Variants in CHI3L2 observed in about 807,000 individuals in gnomAD.
CHI3L2 encodes chitinase 3 like 2.
In CHI3L2, 47 loss-of-function variants were observed where a neutral mutation model predicts 47.3. The ratio of observed to expected loss-of-function variants is 0.99; its 90% CI spans 0.79 to 1.27. The LOEUF (loss-of-function observed/expected upper bound fraction) is 1.27. Among genes scored for constraint, CHI3L2 ranks in the 50% most tolerant of loss-of-function variants. The pLI is 0.00. For missense variants in CHI3L2, 497 were observed against 462.1 expected (o/e 1.08, Z -0.69); for synonymous variants, 198 against 169.9 (o/e 1.17, Z -1.28).
intron 10 of CHI3L2, chr1:111,242,752 C>T (rs534479071): frequency 2.0e-4 from 34 of 167,838 alleles, no homozygotes; most frequent in Middle Eastern, 3.0e-3. Flanking sequence ...ATGATAATTT[C>T]CATCTCACTC....
intron 7 of CHI3L2, 99 bp from the exon 8 acceptor site, chr1:111,238,651 C>G: frequency 3.1e-6 from 4 of 1,276,076 alleles, no homozygotes; most frequent in Non-Finnish European, 4.5e-6. Flanking sequence ...AGAAAAGAAA[C>G]CAGGCAGTCA....
Position 111,230,907 on chromosome 1 carries a change from T to A in CHI3L2, c.236T>A (p.Val79Glu). The change falls in exon 3 of 11, where the codon GTG becomes GAG. Residue 79 changes from valine (V) to glutamate (E), a missense_variant. By Grantham distance (121) the Val-to-Glu change is moderately radical. Coordinates refer to ENST00000369748, the MANE Select transcript of CHI3L2 (RefSeq NM_004000.3). ...NKVIIKDKSE[V>E]MLYQTINSLK... ...GTTATCATCAAGGACAAGAGTGAAG[T>A]GATGCTCTACCAGACCATCAACAGT... 6.2e-7 allele frequency: 1 copy of A among 1,614,144 alleles called. No homozygotes were observed.
chr1:111,238,935 A>G lies in CHI3L2; in HGVS notation c.918+3A>G. ...CAGGCTTCCTGGCCTATTATGAGGTACCTGGAAACCCCCTGTACCCTCAGC... is the reference window on the plus strand; with the variant it reads ...CAGGCTTCCTGGCCTATTATGAGGTGCCTGGAAACCCCCTGTACCCTCAGC... On this transcript the variant is annotated splice_donor_region_variant and intron_variant, in intron 8 of 10. Transcript: ENST00000369748. The G allele has an allele frequency of 1.9e-6, 3 of 1,584,870 alleles. No individual in the cohort carries two copies. The highest frequency in any genetic ancestry group is 2.6e-6 in the Non-Finnish European group (3 of 1,168,436).
intron 7 of CHI3L2, 132 bp from the exon 8 acceptor site, chr1:111,238,618 C>T: frequency 1.2e-6 from 1 of 848,052 alleles, no homozygotes; most frequent in African/African-American, 1.7e-5. Flanking sequence ...TCCGGGGGGT[C>T]TGGTCTGTTC....
rs761797002 is a variant in CHI3L2 at position 111,229,890 on chromosome 1, T to C, written c.70+9T>C. On this transcript the variant is annotated intron_variant, in intron 2 of 10. Transcript: ENST00000369748. ...GCTGCTTCTCCAGGGAGGTAAGTAGTCAATAAGTCACTACCGCCTGGATCT... is the reference window on the plus strand; with the variant it reads ...GCTGCTTCTCCAGGGAGGTAAGTAGCCAATAAGTCACTACCGCCTGGATCT... The C allele has an allele frequency of 3.7e-6, 6 of 1,613,856 alleles. No homozygotes were observed. The highest frequency in any genetic ancestry group is 1.3e-5 in the African/African-American group (1 of 74,994).
At chr1:111,240,248 C>T (rs1204855671) in intron 8 of CHI3L2, among the ~76,000 whole-genome samples, 1 of 152,232 alleles carries the variant, frequency 6.6e-6, no homozygotes, top group Non-Finnish European at 1.5e-5. Context: ...CACCAAGGTA[C>T]CCATTCAGTG....
At chr1:111,229,968 C>A in intron 2 of CHI3L2, 87 bp downstream of exon 2, 1 of 1,439,618 alleles carries the variant, frequency 6.9e-7, no homozygotes, top group Non-Finnish European at 9.7e-7. Context: ...CTGCTACATG[C>A]TTTTTCTCTT....
In CHI3L2 at chr1:111,230,900, A is replaced by T; in HGVS notation, c.229A>T (p.Ser77Cys). 2 of 1,614,176 alleles carry T rather than the reference A, an allele frequency of 1.2e-6. No individual in the cohort carries two copies. Among genetic ancestry groups the T allele is most frequent in the Non-Finnish European group, 1.7e-6 (2 of 1,180,020 alleles). The change falls in exon 3 of 11, where the codon AGT becomes TGT. Residue 77 changes from serine to cysteine, a missense_variant. Ser to Cys is a moderately radical substitution (Grantham distance 112). Coordinates refer to ENST00000369748, the MANE Select transcript of CHI3L2 (RefSeq NM_004000.3). ...ENNKVIIKDK[S>C]EVMLYQTINS... ...CAACAAGGTTATCATCAAGGACAAG[A>T]GTGAAGTGATGCTCTACCAGACCAT...
chr1:111,230,653 C>G, intron 2 of CHI3L2, 89 bp from the exon 3 acceptor site: 1 of 1,074,974 alleles, frequency 9.3e-7, no homozygotes, highest in Non-Finnish European at 1.4e-6. Context: ...GCAAATGATG[C>G]AATGGCTGTC....
rs148629494 is a variant in CHI3L2 at position 111,231,281 on chromosome 1, T to C, written c.316T>C (p.Phe106Leu). Reference protein sequence around the residue: ...KILLSIGGYLFGSKGFHPMVD... With the variant: ...KILLSIGGYLLGSKGFHPMVD... ...TCTCTTGTCCATTGGAGGGTACCTGTTTGGTTCCAAAGGGTAAGACTACAT... is the reference window on the plus strand; with the variant it reads ...TCTCTTGTCCATTGGAGGGTACCTGCTTGGTTCCAAAGGGTAAGACTACAT... The change falls in exon 4 of 11, where the codon TTT becomes CTT. Residue 106 changes from phenylalanine (F) to leucine (L), a missense_variant. By Grantham distance (22) the Phe-to-Leu change is conservative. Transcript: ENST00000369748. 7.1e-5 allele frequency: 115 copies of C among 1,610,520 alleles called. No individual in the cohort carries two copies. The African/African-American group carries it at 1.4e-3, about 20-fold the overall frequency.
intron 1 of CHI3L2, among the ~76,000 whole-genome samples, chr1:111,228,966 A>G (rs72693208): frequency 5.3e-5 from 8 of 152,218 alleles, no homozygotes; most frequent in African/African-American, 1.2e-4. Flanking sequence ...TTTCAAACAT[A>G]TAAGTTTAAA....
chr1:111,228,300 A>G (rs888464163), intron 1 of CHI3L2, among the ~76,000 whole-genome samples: 1 of 152,200 alleles, frequency 6.6e-6, no homozygotes, highest in African/African-American at 2.4e-5. Context: ...AAACAAGGCT[A>G]TGAGTGAACG....
At position 111,231,268 on chromosome 1, in the gene CHI3L2, T is replaced by A. The variant is rs1412804188; in HGVS notation, c.303T>A (p.Ile101=). Residue 101 remains isoleucine, a synonymous_variant, in exon 4 of 11, where the codon ATT becomes ATA. Transcript: ENST00000369748. ...KNPKLKILLS[I]GGYLFGSKGF... ...CCAAACTGAAAATTCTCTTGTCCATTGGAGGGTACCTGTTTGGTTCCAAAG... is the reference window on the plus strand; with the variant it reads ...CCAAACTGAAAATTCTCTTGTCCATAGGAGGGTACCTGTTTGGTTCCAAAG... 1 of 1,611,872 alleles carries A rather than the reference T, an allele frequency of 6.2e-7. No individual in the cohort carries two copies. Among genetic ancestry groups the A allele is most frequent in the African/African-American group, 1.3e-5 (1 of 74,984 alleles).
chr1:111,231,080 T>G (rs774633655), intron 3 of CHI3L2, 137 bp downstream of exon 3: 9 of 961,292 alleles, frequency 9.4e-6, no homozygotes, highest in Non-Finnish European at 1.5e-5. Context: ...TGATCCTAAC[T>G]GTTCTCACCA....
At chr1:111,236,581 C>T (rs532627999) in intron 7 of CHI3L2, among the ~76,000 whole-genome samples, 2 of 152,080 alleles carry the variant, frequency 1.3e-5, no homozygotes, top group South Asian at 4.2e-4. Context: ...GATGATGAAA[C>T]AGAAGCTTGG....
chr1:111,235,761 A>G lies in CHI3L2; in HGVS notation c.603A>G (p.Ala201=), dbSNP rs762972414. The change falls in exon 6 of 11, where the codon GCA becomes GCG. Residue 201 remains alanine (A), a splice_region_variant and synonymous_variant. Transcript: ENST00000369748. ...ACAGCTATCAAGTTGAGAAACTGGC[A>G]AAGTGAGTACATCAGAGCAACTTTC... ...IDNSYQVEKL[A]KDLDFINLLS... 1.2e-6 allele frequency: 2 copies of G among 1,613,656 alleles called. No homozygotes were observed. Among genetic ancestry groups the G allele is most frequent in the Admixed American group, 3.3e-5 (2 of 59,952 alleles).
At chr1:111,235,428 T>A (rs939600538) in intron 5 of CHI3L2, among the ~76,000 whole-genome samples, 14 of 152,200 alleles carry the variant, frequency 9.2e-5, no homozygotes, top group Admixed American at 6.5e-5. Flanking sequence ...AGATAGTTAT[T>A]CCTGGGTAGA....
chr1:111,236,406 C>G (rs1275690853), intron 7 of CHI3L2, among the ~76,000 whole-genome samples: 2 of 152,210 alleles, frequency 1.3e-5, no homozygotes, highest in African/African-American at 2.4e-5. Context: ...GAGTGTCCCC[C>G]ATCCCAGTCT....
Position 111,238,877 on chromosome 1 carries a change from GC to G in CHI3L2, c.866del (p.Pro289LeufsTer23), listed in dbSNP as rs770164012. The G allele has an allele frequency of 3.1e-6, 5 of 1,613,242 alleles. No individual in the cohort carries two copies. The highest frequency in any genetic ancestry group is 4.2e-6 in the Non-Finnish European group (5 of 1,179,640). On this transcript the variant is annotated frameshift_variant, in exon 8 of 11. Transcript: ENST00000369748. LOFTEE classifies it high-confidence loss of function. ...AETTVGAPAS[G>X]PGAAGPITES... ...ACCACCGTGGGGGCCCCTGCCTCTG[GC>G]CCTGGAGCTGCTGGACCCATCACAG...
Sources: gnomAD v4.1 joint callset for allele counts (sites outside exome capture counted in the v4.1 genomes callset) on GRCh38, gnomAD v4.1.1 for gene constraint, MANE v1.5 for transcripts, NCBI Gene and HGNC (gene_info 2026-07-23, HGNC 2026-07-21) for gene names.